Variants in MOK observed in about 807,000 individuals in gnomAD.
MOK encodes MOK protein kinase.
MOK carries 59 observed loss-of-function variants against 54.2 expected under a neutral mutation model. The observed-to-expected ratio is 1.09, with a 90% CI of 0.88 to 1.35. The LOEUF is 1.35. Among genes scored for constraint, MOK ranks in the 40% most tolerant of loss-of-function variants. The pLI is 0.00. For missense variants in MOK, 517 were observed against 526.2 expected (o/e 0.98, Z 0.17); for synonymous variants, 210 against 202.7 (o/e 1.04, Z -0.31).
At chr14:102,225,943 G>A (rs566333338), downstream of MOK, 16 of 248,180 alleles carry the variant, frequency 6.4e-5, no homozygotes, top group Non-Finnish European at 1.0e-4. Flanking sequence ...CACTTCTGGC[G>A]TTGGAGAATG....
At chr14:102,297,257 C>T (rs1180199234) in intron 1 of MOK, among the ~76,000 whole-genome samples, 1 of 151,844 alleles carries the variant, frequency 6.6e-6, no homozygotes, top group African/African-American at 2.4e-5. Context: ...ACTCTGGAGG[C>T]TGAGGCAGGA....
chr14:102,266,320 T>G (rs1049779857), intron 2 of MOK, among the ~76,000 whole-genome samples: 2 of 151,870 alleles, frequency 1.3e-5, no homozygotes, highest in Non-Finnish European at 2.9e-5. Flanking sequence ...TTTTTTTTTG[T>G]TTTTGAGACA....
At chr14:102,247,477 C>T (rs1433843060) in intron 7 of MOK, 3 of 152,172 alleles carry the variant, frequency 2.0e-5, no homozygotes, top group East Asian at 1.9e-4. Flanking sequence ...TACCCGCATC[C>T]GACACTGCCG....
chr14:102,237,873 C>T (rs1246391575), intron 7 of MOK: 1 of 152,234 alleles, frequency 6.6e-6, no homozygotes, highest in African/African-American at 2.4e-5. Flanking sequence ...GTCAAAATAC[C>T]ACCACCTACA....
In MOK at chr14:102,249,796, G is replaced by T. The variant is rs557044058; in HGVS notation, c.590+1016C>A. Among the ~76,000 whole-genome samples, 3 of 152,316 alleles carry T rather than the reference G, an allele frequency of 2.0e-5. No individual in the cohort carries two copies. The highest frequency in any genetic ancestry group is 4.1e-4 in the South Asian group (2 of 4,822). Reference sequence around the variant, plus strand: ...AATAATATTTAAAAATACAGCTCTGGTAGTAGGCCTAGCTTCTATTCCAGA... The same window carrying T: ...AATAATATTTAAAAATACAGCTCTGTTAGTAGGCCTAGCTTCTATTCCAGA... On this transcript the variant is annotated intron_variant, in intron 7 of 11. Transcript: ENST00000361847. This position sits in a 1 kb window ranked among gnomAD's most constrained non-coding sequence, Gnocchi z 5.3.
In MOK at chr14:102,231,665, C is replaced by G. The variant is rs376147107; in HGVS notation, c.981+42G>C. 1 of 1,577,888 alleles carries G rather than the reference C, an allele frequency of 6.3e-7. No homozygotes were observed. Among genetic ancestry groups the G allele is most frequent in the South Asian group, 1.1e-5 (1 of 89,814 alleles). On this transcript the variant is annotated intron_variant, in intron 10 of 11. Transcript: ENST00000361847. This position sits in a 1 kb window ranked among gnomAD's most constrained non-coding sequence, Gnocchi z 4.4. ...CAGGCCACCCGAGGGCATCCAGTCC[C>G]GGCTGAGCTAGGCAGTCTCCGGCTC... is the stretch of plus-strand genomic sequence containing the variant.
At chr14:102,261,415 AAAAAT>A (rs2067426285) in intron 4 of MOK, among the ~76,000 whole-genome samples, 1 of 65,850 alleles carries the variant, frequency 1.5e-5, no homozygotes, top group Non-Finnish European at 2.8e-5. Flanking sequence ...AAAAAAAAAA[AAAAAT>A]ATATATATAT....
chr14:102,231,810 TTC>T lies in MOK; in HGVS notation c.876_877del (p.Lys293AlafsTer23), dbSNP rs779014653. The T allele has an allele frequency of 1.2e-6, 2 of 1,611,384 alleles. 1 individual carries two copies. Among genetic ancestry groups the T allele is most frequent in the South Asian group, 2.2e-5 (2 of 91,002 alleles). On this transcript the variant is annotated frameshift_variant, in exon 10 of 12. Transcript: ENST00000361847. LOFTEE classifies it high-confidence loss of function. This position sits in a 1 kb window ranked among gnomAD's most constrained non-coding sequence, Gnocchi z 4.4. ...TTTTCTGTGGCTGCCCAGAGCCCGC[TTC>T]TCTGTTTTCCTACGGGGAAGGAGAA...
intron 10 of MOK, 24 bp from the exon 11 acceptor site, chr14:102,229,681 T>C (rs1244137024): frequency 1.9e-6 from 3 of 1,566,422 alleles, no homozygotes; most frequent in African/African-American, 1.4e-5. Flanking sequence ...AGAGGCCAGT[T>C]GGACATAAAA....
Position 102,262,666 on chromosome 14 carries a change from T to C in MOK, c.283+880A>G, listed in dbSNP as rs555585818. On this transcript the variant is annotated intron_variant, in intron 4 of 11. Coordinates refer to ENST00000361847, the MANE Select transcript of MOK (RefSeq NM_014226.3). ...TCAGTGTCTTCTTCCATCACAAAAA[T>C]AGTTTATCAATCTAAAAATTTTCCA... is the stretch of plus-strand genomic sequence containing the variant. Among the ~76,000 whole-genome samples, 25 of 152,352 alleles carry C rather than the reference T, an allele frequency of 1.6e-4. 1 individual carries two copies. Among genetic ancestry groups the C allele is most frequent in the African/African-American group, 6.0e-4 (25 of 41,584 alleles).
chr14:102,238,991 ATCT>A lies in MOK; in HGVS notation c.591-5205_591-5203del, dbSNP rs1488224738. Among the ~76,000 whole-genome samples the A allele has an allele frequency of 2.0e-5, 3 of 152,150 alleles. No homozygotes were observed. The highest frequency in any genetic ancestry group is 4.4e-5 in the Non-Finnish European group (3 of 68,022). The stretch of plus-strand genomic sequence containing the variant: ...AAGACTACTTCTCACTCTTATAGAC[ATCT>A]TCTCTGGGTGGGTGGAGGCATTTCC... On this transcript the variant is annotated intron_variant, in intron 7 of 11. Coordinates refer to ENST00000361847, the MANE Select transcript of MOK (RefSeq NM_014226.3). This position sits in a 1 kb window ranked among gnomAD's most constrained non-coding sequence, Gnocchi z 4.8.
chr14:102,299,783 C>T (rs1392987092), intron 1 of MOK, among the ~76,000 whole-genome samples: 1 of 152,116 alleles, frequency 6.6e-6, no homozygotes, highest in Non-Finnish European at 1.5e-5. Context: ...AGAGTCTCGT[C>T]ATGTTGCCCA....
At chr14:102,214,662 A>C in the MOK span, 3 of 984,080 alleles carry the variant, frequency 3.0e-6, no homozygotes, top group Non-Finnish European at 3.6e-6. Context: ...AATTGTATGG[A>C]TATTTTGAGT....
chr14:102,288,709 A>G (rs973377584), intron 1 of MOK, among the ~76,000 whole-genome samples: 9 of 152,228 alleles, frequency 5.9e-5, no homozygotes, highest in Non-Finnish European at 1.2e-4. Flanking sequence ...GTATATTTCA[A>G]TAACTCCATT....
At chr14:102,244,401 T>A (rs2065936840) in intron 7 of MOK, among the ~76,000 whole-genome samples, 1 of 152,228 alleles carries the variant, frequency 6.6e-6, no homozygotes, top group Non-Finnish European at 1.5e-5. Flanking sequence ...TATTCTGTCG[T>A]CATTTCATAA....
At chr14:102,273,280 CAA>C (rs760362999) in intron 2 of MOK, among the ~76,000 whole-genome samples, 1,130 of 89,550 alleles carry the variant, frequency 0.013, 13 homozygotes, top group African/African-American at 0.035. Flanking sequence ...CATACTAGAA[CAA>C]AAAAAAAAAA....
rs141604419 is a variant in MOK at position 102,265,890 on chromosome 14, G to A, written c.145C>T (p.Arg49Ter). The A allele has an allele frequency of 1.9e-6, 3 of 1,613,806 alleles. No individual in the cohort carries two copies. The highest frequency in any genetic ancestry group is 2.2e-5 in the South Asian group (2 of 91,062). Residue 49 changes from arginine (R) to a stop codon, truncating the protein, a stop_gained, in exon 3 of 12, where the codon CGA (arginine) becomes TGA (stop). Coordinates refer to ENST00000361847, the MANE Select transcript of MOK (RefSeq NM_014226.3). LOFTEE classifies it high-confidence loss of function. ...AGGCGCCTCAGTGCTTGGATCTCTCGTAGGTTGTTGACTTGCTCAATACTA... is the reference window on the plus strand; with the variant it reads ...AGGCGCCTCAGTGCTTGGATCTCTCATAGGTTGTTGACTTGCTCAATACTA... ...FESIEQVNNL[R>*]EIQALRRLNP...
downstream of MOK, among the ~76,000 whole-genome samples, chr14:102,228,633 A>G (rs910429749): frequency 2.2e-5 from 3 of 139,430 alleles, no homozygotes; most frequent in Non-Finnish European, 4.6e-5. Context: ...CGGGAGGTGG[A>G]GGTTGCAGTG....
chr14:102,222,132 A>G (rs967996962), downstream of MOK, among the ~76,000 whole-genome samples: 1 of 151,154 alleles, frequency 6.6e-6, no homozygotes, highest in Admixed American at 6.6e-5. This position sits in a 1 kb window ranked among gnomAD's most constrained non-coding sequence, Gnocchi z 4.4. Flanking sequence ...GCCGCCCTAA[A>G]GAGCCAGATG....
Sources: gnomAD v4.1 joint callset for allele counts (sites outside exome capture counted in the v4.1 genomes callset) on GRCh38, gnomAD v4.1.1 for gene constraint, Gnocchi (gnomAD v3.1) non-coding constraint, MANE v1.5 for transcripts, NCBI Gene and HGNC (gene_info 2026-07-23, HGNC 2026-07-21) for gene names.